The following DRC9 variants were observed in gnomAD, a reference collection of about 807,000 sequenced individuals.
DRC9 encodes dynein regulatory complex protein 9.
At chr3:197,904,053 C>A in the DRC9 span, among the ~76,000 whole-genome samples, 1 of 91,936 alleles carries the variant, frequency 1.1e-5, no homozygotes, top group Non-Finnish European at 2.1e-5. Context: ...TATATACATA[C>A]ATATATATAT....
chr3:197,925,633 G>T, the DRC9 span, among the ~76,000 whole-genome samples: 1 of 150,270 alleles, frequency 6.7e-6, no homozygotes, highest in East Asian at 2.0e-4. Flanking sequence ...CTGTCACCCA[G>T]GCTGGAGTTC....
the DRC9 span, among the ~76,000 whole-genome samples, chr3:197,908,407 A>C: frequency 7.2e-6 from 1 of 139,846 alleles, no homozygotes; most frequent in Non-Finnish European, 1.5e-5. Context: ...GCATCCTCCC[A>C]GATGAAGTTA....
the DRC9 span, chr3:197,912,861 G>T: frequency 1.2e-6 from 1 of 842,026 alleles, no homozygotes; most frequent in Non-Finnish European, 2.0e-6. Context: ...TACCAGCTGG[G>T]ATCCCGGGCT....
At chr3:197,922,015 G>A in the DRC9 span, among the ~76,000 whole-genome samples, 1 of 138,654 alleles carries the variant, frequency 7.2e-6, no homozygotes, top group African/African-American at 2.9e-5. Flanking sequence ...CATCTTGGTC[G>A]ACCCGACTAC....
chr3:197,923,802 C>T, the DRC9 span, among the ~76,000 whole-genome samples: 1 of 152,140 alleles, frequency 6.6e-6, no homozygotes, highest in African/African-American at 2.4e-5. Flanking sequence ...CATGGCAGCT[C>T]ATGCCTGTAA....
the DRC9 span, chr3:197,892,571 T>G: frequency 1.2e-5 from 19 of 1,592,670 alleles, no homozygotes; most frequent in Non-Finnish European, 1.6e-5. Context: ...CCCTCCTCAG[T>G]GAGCACCCTA....
chr3:197,903,981 T>C, the DRC9 span, among the ~76,000 whole-genome samples: 631 of 101,002 alleles, frequency 6.2e-3, 6 homozygotes, highest in African/African-American at 0.028. Context: ...CATACATACA[T>C]ACACACACAC....
the DRC9 span, among the ~76,000 whole-genome samples, chr3:197,930,395 C>A: frequency 6.6e-6 from 1 of 152,004 alleles, no homozygotes; most frequent in African/African-American, 2.4e-5. Flanking sequence ...GTTAGCATAA[C>A]ATTTTGAAAA....
At chr3:197,908,459 C>T in the DRC9 span, among the ~76,000 whole-genome samples, 1 of 145,906 alleles carries the variant, frequency 6.9e-6, no homozygotes, top group Non-Finnish European at 1.5e-5. Flanking sequence ...CAACCCTTTC[C>T]AAGGCACCCT....
the DRC9 span, chr3:197,950,233 G>A: frequency 1.6e-6 from 2 of 1,230,992 alleles, no homozygotes; most frequent in Non-Finnish European, 2.0e-6. Flanking sequence ...TGAGTGAAGG[G>A]TCTGCTGCTG....
chr3:197,950,933 A>G, the DRC9 span: 563 of 1,613,932 alleles, frequency 3.5e-4, 5 homozygotes, highest in East Asian at 0.012. Context: ...TGTTTGTTTT[A>G]AGGCCTGCTG....
chr3:197,960,058 G>C, the DRC9 span: 17 of 620,480 alleles, frequency 2.7e-5, no homozygotes, highest in African/African-American at 2.6e-4. Context: ...CCGGCTTCGC[G>C]CCACGAGACG....
chr3:197,900,417 C>T, the DRC9 span, among the ~76,000 whole-genome samples: 1 of 152,154 alleles, frequency 6.6e-6, no homozygotes, highest in African/African-American at 2.4e-5. This position sits in a 1 kb window ranked among gnomAD's most constrained non-coding sequence, Gnocchi z 4.7. Flanking sequence ...TCTTGGATAC[C>T]AGCTCAGCCA....
chr3:197,944,254 C>T, the DRC9 span, among the ~76,000 whole-genome samples: 1 of 144,084 alleles, frequency 6.9e-6, no homozygotes, highest in Non-Finnish European at 1.5e-5. Flanking sequence ...ACAACTTACT[C>T]TTTTTTTTTT....
At chr3:197,921,258 C>T in the DRC9 span, among the ~76,000 whole-genome samples, 5 of 124,824 alleles carry the variant, frequency 4.0e-5, 1 homozygote, top group African/African-American at 1.7e-4. Flanking sequence ...TCAGTAACTC[C>T]GGGGATTTAA....
chr3:197,938,470 C>A, the DRC9 span: 1 of 971,906 alleles, frequency 1.0e-6, no homozygotes, highest in Non-Finnish European at 1.7e-6. Context: ...TAGACGATAG[C>A]AGTCAGCCAC....
chr3:197,954,181 T>G, the DRC9 span: 1 of 1,611,758 alleles, frequency 6.2e-7, no homozygotes. Flanking sequence ...GGACGTCTGA[T>G]GAATCAGACT....
the DRC9 span, chr3:197,959,933 T>G: frequency 2.1e-6 from 1 of 479,964 alleles, no homozygotes; most frequent in African/African-American, 2.0e-5. Flanking sequence ...CATGTCACTT[T>G]GGTAAATGAA....
chr3:197,930,595 C>T, the DRC9 span, among the ~76,000 whole-genome samples: 1 of 151,784 alleles, frequency 6.6e-6, no homozygotes, highest in Non-Finnish European at 1.5e-5. Flanking sequence ...AAACAATTAG[C>T]CAGGCATGGT....
Sources: allele counts gnomAD v4.1 joint callset (sites outside exome capture counted in the v4.1 genomes callset), GRCh38; gene constraint gnomAD v4.1.1; non-coding constraint Gnocchi (gnomAD v3.1); transcripts MANE v1.5; gene names NCBI Gene and HGNC (gene_info 2026-07-23, HGNC 2026-07-21).